Variants in ALG13 observed in about 807,000 individuals in gnomAD.
ALG13 encodes the protein UDP-N-acetylglucosamine transferase subunit ALG13.
ALG13 carries 11 observed loss-of-function variants against 87.8 expected under a neutral mutation model. The observed-to-expected ratio is 0.13, with a 90% CI of 0.08 to 0.21. The LOEUF is 0.21. Among genes scored for constraint, ALG13 ranks in the 10% least tolerant of loss-of-function variants. ALG13 has a pLI of 1.00. For synonymous variants in ALG13, 320 were observed against 306.3 expected, an observed-to-expected ratio of 1.04 and a Z score of -0.47; for missense variants, 756 against 866.1, an observed-to-expected ratio of 0.87 and a Z score of 1.60.
chrX:111,736,901 A>C, intron 23 of ALG13, 22 bp downstream of exon 23: 1 of 1,171,928 alleles, frequency 8.5e-7, no homozygotes, highest in Non-Finnish European at 1.1e-6. Context: ...GCAGATGCTT[A>C]CTTTGGAAGC....
rs2148053185 is a variant in ALG13, at chrX:111,713,271, G to A, written c.979G>A (p.Val327Ile). ...CTTTCCTGGAAAACCTCCAACTTATGTCACAGATAATGGCTATGAAGACAA... is the reference window on the plus strand; with the variant it reads ...CTTTCCTGGAAAACCTCCAACTTATATCACAGATAATGGCTATGAAGACAA... ...YRFPGKPPTY[V>I]TDNGYEDKIL... Residue 327 changes from valine (V) to isoleucine (I), a missense_variant, in exon 8 of 27, where the codon GTC (valine) becomes ATC (isoleucine). Around this residue, in one of 9 missense-constraint regions of ALG13, gnomAD observed 60 missense variants for 54.5 expected, o/e 1.10. Transcript: ENST00000394780. 2 of 1,192,658 alleles carry A rather than the reference G, an allele frequency of 1.7e-6. No homozygotes were observed. Among genetic ancestry groups the A allele is most frequent in the African/African-American group, 1.8e-5 (1 of 57,002 alleles).
chrX:111,709,988 G>A (rs764842215), intron 5 of ALG13, among the ~76,000 whole-genome samples: 5 of 110,362 alleles, frequency 4.5e-5, no homozygotes, highest in South Asian at 3.8e-4. Context: ...TTAAAATACA[G>A]GTTTTCATTC....
chrX:111,753,802 A>T (rs995545327), intron 25 of ALG13, among the ~76,000 whole-genome samples: 4 of 111,812 alleles, frequency 3.6e-5, no homozygotes, highest in Non-Finnish European at 5.6e-5. Context: ...AACCAAAAAA[A>T]GTCCAGGACC....
intron 3 of ALG13, among the ~76,000 whole-genome samples, chrX:111,693,658 A>AT (rs1246969768): frequency 6.3e-5 from 7 of 111,718 alleles, no homozygotes; most frequent in Admixed American, 5.7e-4. Flanking sequence ...TGTCTTATAA[A>AT]TTTTTTACCA....
Position 111,757,716 on chromosome X carries a change from T to C in ALG13, c.3102T>C (p.Ser1034=). Residue 1034 remains serine (S), a synonymous_variant, in exon 26 of 27, where the codon AGT becomes AGC. Coordinates refer to ENST00000394780, the MANE Select transcript of ALG13 (RefSeq NM_001099922.3). ...ATCAAACCGTTCCTCAATGCTACAG[T>C]GAGGTGAGGAGAGAAGATGGCATAC... ...LVDQTVPQCY[S]EVRREDGIQA... 8.3e-7 allele frequency: 1 copy of C among 1,209,644 alleles called. No homozygotes were observed. The highest frequency in any genetic ancestry group is 1.1e-6 in the Non-Finnish European group (1 of 894,413).
In ALG13 at chrX:111,727,707, G is replaced by A. The variant is rs1303546085; in HGVS notation, c.2184G>A (p.Leu728=). The A allele has an allele frequency of 8.3e-7, 1 of 1,209,671 alleles. No individual in the cohort carries two copies. Among genetic ancestry groups the A allele is most frequent in the Admixed American group, 2.2e-5 (1 of 45,922 alleles). The change falls in exon 18 of 27, where the codon TTG becomes TTA. Residue 728 remains leucine (L), a synonymous_variant. Transcript: ENST00000394780. ...GGAATGGACAGATGCCCAGGGGCTT[G>A]GAAGAAACTATTACTTTTTATGAAG... ...TPGNGQMPRG[L]EETITFYEVE...
rs755801312 is a variant in ALG13, at chrX:111,731,152, C to T, written c.2457+572C>T. Among the ~76,000 whole-genome samples the T allele has an allele frequency of 8.9e-5, 10 of 112,144 alleles. No homozygotes were observed. The East Asian group carries it at 2.8e-3, about 32-fold the overall frequency. On this transcript the variant is annotated intron_variant, in intron 21 of 26. Transcript: ENST00000394780. ...TGCCCTCCCTCTCATAGGCAGAATA[C>T]TTGTTTCTGTCTCAAAGGAGGCATC...
chrX:111,682,019 T>A, intron 1 of ALG13, 113 bp from the exon 2 acceptor site: 1 of 897,563 alleles, frequency 1.1e-6, no homozygotes, highest in South Asian at 4.1e-5. Flanking sequence ...ACAGATAGGC[T>A]TTTTGGCGGC....
chrX:111,711,565 A>T, intron 5 of ALG13, 110 bp from the exon 6 acceptor site: 1 of 653,062 alleles, frequency 1.5e-6, no homozygotes, highest in Non-Finnish European at 2.3e-6. Flanking sequence ...AGATACTTAC[A>T]CCATAATTGT....
intron 21 of ALG13, among the ~76,000 whole-genome samples, chrX:111,732,756 A>G (rs1942832843): frequency 8.9e-6 from 1 of 111,896 alleles, no homozygotes; most frequent in Non-Finnish European, 1.9e-5. Flanking sequence ...AGGAAGGAGA[A>G]GAAAACTCTG....
intron 4 of ALG13, among the ~76,000 whole-genome samples, chrX:111,708,721 C>G (rs867984621): frequency 4.5e-5 from 5 of 111,206 alleles, no homozygotes; most frequent in Middle Eastern, 4.6e-3. Flanking sequence ...AATTTTAATG[C>G]CTAAGAAAAA....
chrX:111,738,528 G>A (rs1043521152), intron 23 of ALG13, among the ~76,000 whole-genome samples: 7 of 111,785 alleles, frequency 6.3e-5, no homozygotes, highest in African/African-American at 2.3e-4. Flanking sequence ...AGAAATAAGA[G>A]TGCTTTAGGC....
chrX:111,693,886 G>A (rs1936568573), intron 3 of ALG13, among the ~76,000 whole-genome samples: 1 of 110,830 alleles, frequency 9.0e-6, no homozygotes, highest in South Asian at 3.8e-4. Flanking sequence ...CCCGGGTTAA[G>A]AATCCCTAGG....
intron 12 of ALG13, among the ~76,000 whole-genome samples, chrX:111,722,243 C>A (rs1410288220): frequency 8.9e-6 from 1 of 112,033 alleles, no homozygotes; most frequent in Non-Finnish European, 1.9e-5. Context: ...GCCCAAGAAA[C>A]TGAAAATACT....
intron 24 of ALG13, among the ~76,000 whole-genome samples, chrX:111,752,531 T>C (rs767323803): frequency 1.0e-3 from 115 of 110,482 alleles, no homozygotes; most frequent in African/African-American, 3.6e-3. Context: ...TTCTCCTGCC[T>C]CAGCCTCCTG....
rs774814518 is a variant in ALG13 at position 111,717,840 on chromosome X, C to T, written c.1006-6C>T. Reference sequence around the variant, plus strand: ...TCACTTAATTGTTCTGTGTGTTTTTCTTTAGATTCTACTCTGCTACTCAAG... The same window carrying T: ...TCACTTAATTGTTCTGTGTGTTTTTTTTTAGATTCTACTCTGCTACTCAAG... On this transcript the variant is annotated splice_polypyrimidine_tract_variant and splice_region_variant and intron_variant, in intron 8 of 26. Coordinates refer to ENST00000394780, the MANE Select transcript of ALG13 (RefSeq NM_001099922.3). The T allele has an allele frequency of 8.6e-7, 1 of 1,166,749 alleles. No individual in the cohort carries two copies. The highest frequency in any genetic ancestry group is 1.9e-5 in the South Asian group (1 of 52,383).
In ALG13 at chrX:111,754,569, C is replaced by G. The variant is rs752100303; in HGVS notation, c.2973+1739C>G. ...AAAAGCTCCTTAAGCTGATAAGCAA[C>G]TTCAGCAAAGTTGAAGTTGTGTGCA... On this transcript the variant is annotated intron_variant, in intron 25 of 26. Coordinates refer to ENST00000394780, the MANE Select transcript of ALG13 (RefSeq NM_001099922.3). Among the ~76,000 whole-genome samples, 3 of 112,555 alleles carry G rather than the reference C, an allele frequency of 2.7e-5. No individual in the cohort carries two copies. In the East Asian group the frequency reaches 8.5e-4, roughly 32 times the overall value.
chrX:111,730,908 G>A (rs1270959191), intron 21 of ALG13, among the ~76,000 whole-genome samples: 1 of 112,087 alleles, frequency 8.9e-6, no homozygotes, highest in Non-Finnish European at 1.9e-5. Flanking sequence ...GGCTTGCTCA[G>A]GTACTTAGGC....
At chrX:111,734,943 T>G in intron 21 of ALG13, 108 bp from the exon 22 acceptor site, 1 of 527,833 alleles carries the variant, frequency 1.9e-6, no homozygotes, top group Non-Finnish European at 3.1e-6. Flanking sequence ...CACTTCCAAA[T>G]TTGAATTTTT....
Sources: gnomAD v4.1 joint callset for allele counts (sites outside exome capture counted in the v4.1 genomes callset) on GRCh38, gnomAD v4.1.1 for gene constraint, gnomAD v4.1.1 regional missense constraint, MANE v1.5 for transcripts, NCBI Gene and HGNC (gene_info 2026-07-23, HGNC 2026-07-21) for gene names.